The following EHD3 variants were observed in gnomAD, a reference collection of about 807,000 sequenced individuals.
The protein encoded by EHD3 is EH domain-containing protein 3.
EHD3 carries 17 observed loss-of-function variants against 43.0 expected under a neutral mutation model. The observed-to-expected ratio is 0.40, with a 90% CI of 0.27 to 0.59. The LOEUF (loss-of-function observed/expected upper bound fraction) is 0.59, where lower values mean the gene tolerates loss of function less well. Ranked by LOEUF, EHD3 falls within the 20% of genes least tolerant of loss-of-function variation. EHD3 has a pLI of 0.49. For missense variants in EHD3, 594 were observed against 705.6 expected, an observed-to-expected ratio of 0.84 and a Z score of 1.79; for synonymous variants, 313 against 289.5, an observed-to-expected ratio of 1.08 and a Z score of -0.82.
chr2:31,242,476 T>C (rs1683440583), intron 1 of EHD3, among the ~76,000 whole-genome samples: 1 of 152,204 alleles, frequency 6.6e-6, no homozygotes, highest in Admixed American at 6.5e-5. Context: ...CCATATACTA[T>C]TACATTCGTA....
At chr2:31,236,785 T>A (rs1427213104) in intron 1 of EHD3, among the ~76,000 whole-genome samples, 1 of 152,158 alleles carries the variant, frequency 6.6e-6, no homozygotes, top group Non-Finnish European at 1.5e-5. Flanking sequence ...AGGTTCCCAG[T>A]AGACATTTTG....
intron 1 of EHD3, among the ~76,000 whole-genome samples, chr2:31,238,605 T>G (rs1157450867): frequency 2.6e-5 from 4 of 152,222 alleles, no homozygotes; most frequent in Non-Finnish European, 5.9e-5. Context: ...TGTGTCCCTC[T>G]GGCCCTGGCA....
chr2:31,262,655 C>T (rs1219093738), intron 5 of EHD3, among the ~76,000 whole-genome samples: 5 of 152,338 alleles, frequency 3.3e-5, no homozygotes, highest in South Asian at 4.1e-4. Flanking sequence ...CAGTGGCTCA[C>T]GCCTGTAATC....
chr2:31,247,149 G>A (rs1683538502), intron 2 of EHD3, among the ~76,000 whole-genome samples: 1 of 152,118 alleles, frequency 6.6e-6, no homozygotes, highest in African/African-American at 2.4e-5. Flanking sequence ...CGCCCACCTT[G>A]GCCTCCCAAA....
chr2:31,256,411 G>T (rs369460758), intron 3 of EHD3, among the ~76,000 whole-genome samples: 2 of 152,156 alleles, frequency 1.3e-5, no homozygotes, highest in Non-Finnish European at 2.9e-5. Context: ...GATGCCAAAC[G>T]TGGAACAGGT....
At chr2:31,246,593 T>A (rs962603748) in intron 2 of EHD3, among the ~76,000 whole-genome samples, 1 of 152,168 alleles carries the variant, frequency 6.6e-6, no homozygotes, top group Admixed American at 6.5e-5. Flanking sequence ...ATATAGCCTA[T>A]TATGATAACA....
In EHD3 at chr2:31,260,135, A is replaced by C. The variant is rs573430676; in HGVS notation, c.503-375A>C. On this transcript the variant is annotated intron_variant, in intron 3 of 5. Coordinates refer to ENST00000322054, the MANE Select transcript of EHD3 (RefSeq NM_014600.3). The surrounding 1 kb of genome is among the most constrained non-coding windows in gnomAD (Gnocchi z 4.6). ...AAAATCACTTGACCCCAGGAGGCAG[A>C]GGTTGCAGTGAGCAGAGGCAGTGCC... Among the ~76,000 whole-genome samples the C allele has an allele frequency of 1.3e-5, 2 of 152,248 alleles. No individual in the cohort carries two copies. Among genetic ancestry groups the C allele is most frequent in the African/African-American group, 2.4e-5 (1 of 41,546 alleles).
At chr2:31,264,372 G>T (rs1046720710) in intron 5 of EHD3, among the ~76,000 whole-genome samples, 1 of 152,082 alleles carries the variant, frequency 6.6e-6, no homozygotes, top group Non-Finnish European at 1.5e-5. Flanking sequence ...AGTTGCTTTG[G>T]GTGGGCCAGT....
intron 1 of EHD3, among the ~76,000 whole-genome samples, chr2:31,239,315 GGATGTCCTTTGTCT>G (rs1265807138): frequency 6.6e-6 from 1 of 152,176 alleles, no homozygotes; most frequent in Non-Finnish European, 1.5e-5. Flanking sequence ...CAAGGCCAGG[GGATGTCCTTTGTCT>G]GATAGGGTTC....
intron 5 of EHD3, among the ~76,000 whole-genome samples, chr2:31,264,054 A>G (rs1683899349): frequency 6.6e-6 from 1 of 152,174 alleles, no homozygotes. Flanking sequence ...ATGCCTTGCT[A>G]ATGACAGGGA....
In EHD3 at chr2:31,234,520, G is replaced by A; in HGVS notation, c.-102G>A. On this transcript the variant is annotated 5_prime_UTR_variant, in exon 1 of 6. Transcript: ENST00000322054. ...GCTGAGCCCCGCGCTTGGGTGAGGC[G>A]GCGGCGCGGCTCGGAGCCCGGCGGA... The A allele has an allele frequency of 2.2e-6, 3 of 1,364,960 alleles. No homozygotes were observed. The highest frequency in any genetic ancestry group is 1.9e-4 in the Middle Eastern group (1 of 5,286). The allele number at this position is 1,364,960 out of a possible 1,614,324, so 84.6% of individuals were successfully genotyped here. A position where few individuals can be genotyped will look rare whatever the true frequency, so the allele number is the denominator to read the frequency against.
At position 31,244,315 on chromosome 2, in the gene EHD3, C is replaced by T; in HGVS notation, c.269C>T (p.Pro90Leu). Residue 90 changes from proline (P) to leucine (L), a missense_variant, in exon 2 of 6, where the codon CCT becomes CTT. Physicochemically the swap from Pro to Leu is moderately conservative, Grantham distance 98. Around this residue, in one of 3 missense-constraint regions of EHD3, gnomAD observed 243 missense variants for 296.7 expected, o/e 0.82. Coordinates refer to ENST00000322054, the MANE Select transcript of EHD3 (RefSeq NM_014600.3). Reference sequence around the variant, plus strand: ...GACTTCCCAGGCATGAGGATTGGGCCTGAGCCCACCACAGACTCCTTCATT... The same window carrying T: ...GACTTCCCAGGCATGAGGATTGGGCTTGAGCCCACCACAGACTCCTTCATT... Reference protein sequence around the residue: ...EQDFPGMRIGPEPTTDSFIAV... With the variant: ...EQDFPGMRIGLEPTTDSFIAV... The T allele has an allele frequency of 1.2e-6, 2 of 1,614,206 alleles. No individual in the cohort carries two copies. The highest frequency in any genetic ancestry group is 1.7e-6 in the Non-Finnish European group (2 of 1,180,030).
At chr2:31,236,709 A>AGCTG (rs1558645744) in intron 1 of EHD3, among the ~76,000 whole-genome samples, 53 of 152,308 alleles carry the variant, frequency 3.5e-4, no homozygotes, top group African/African-American at 1.3e-3. Context: ...CTGGTGTACA[A>AGCTG]TCATTGACAA....
At chr2:31,235,576 C>T (rs912715351) in intron 1 of EHD3, among the ~76,000 whole-genome samples, 5 of 152,086 alleles carry the variant, frequency 3.3e-5, no homozygotes, top group Admixed American at 2.0e-4. Flanking sequence ...ATAACCGAGG[C>T]GCAGAGAAGT....
chr2:31,239,094 G>A (rs1683372751), intron 1 of EHD3, among the ~76,000 whole-genome samples: 1 of 152,140 alleles, frequency 6.6e-6, no homozygotes, highest in Admixed American at 6.5e-5. Flanking sequence ...CACCCCAAAG[G>A]TGCCTTCGCA....
At position 31,244,464 on chromosome 2, in the gene EHD3, G is replaced by T; in HGVS notation, c.404+14G>T. The T allele has an allele frequency of 6.2e-7, 1 of 1,610,488 alleles. No individual in the cohort carries two copies. The highest frequency in any genetic ancestry group is 1.1e-5 in the South Asian group (1 of 90,846). ...CTTCTTGAACAGGTGAGTGTGGAGG[G>T]AACACAACACTTTCAGGTGCTCTCT... On this transcript the variant is annotated intron_variant, in intron 2 of 5. Transcript: ENST00000322054.
At chr2:31,247,796 C>G (rs369458935) in intron 2 of EHD3, among the ~76,000 whole-genome samples, 1 of 152,182 alleles carries the variant, frequency 6.6e-6, no homozygotes. Flanking sequence ...GCATTTGACC[C>G]TGACATTAAA....
chr2:31,239,755 G>A (rs866519236), intron 1 of EHD3, among the ~76,000 whole-genome samples: 16 of 152,322 alleles, frequency 1.1e-4, no homozygotes, highest in Middle Eastern at 6.8e-3. Context: ...CGGATTCGGG[G>A]TGGGGAGGGG....
At chr2:31,243,787 T>C (rs1244095057) in intron 1 of EHD3, among the ~76,000 whole-genome samples, 1 of 152,084 alleles carries the variant, frequency 6.6e-6, no homozygotes, top group Admixed American at 6.5e-5. Context: ...CCTTTTATAT[T>C]GTTTGTATTT....
Sources: allele counts gnomAD v4.1 joint callset (sites outside exome capture counted in the v4.1 genomes callset), GRCh38; gene constraint gnomAD v4.1.1; regional missense constraint gnomAD v4.1.1; non-coding constraint Gnocchi (gnomAD v3.1); transcripts MANE v1.5; gene names NCBI Gene and HGNC (gene_info 2026-07-23, HGNC 2026-07-21).